The following NEB variants were observed in gnomAD, a reference collection of about 807,000 sequenced individuals.
NEB encodes the protein nemaline myopathy type 2.
NEB carries 512 observed loss-of-function variants against 952.2 expected under a neutral mutation model. The ratio of observed to expected loss-of-function variants is 0.54; its 90% CI spans 0.50 to 0.58. The LOEUF is 0.58. Ranked by LOEUF, NEB falls within the 20% of genes least tolerant of loss-of-function variation. NEB has a pLI of 0.00. For missense variants in NEB, 8,428 were observed against 9,231.1 expected (o/e 0.91, Z 3.56); for synonymous variants, 2,900 against 3,149.8 (o/e 0.92, Z 2.66).
chr2:151,526,902 G>T lies in NEB; in HGVS notation c.21945+16C>A. The T allele has an allele frequency of 6.5e-7, 1 of 1,532,070 alleles. No individual in the cohort carries two copies. Among genetic ancestry groups the T allele is most frequent in the African/African-American group, 1.4e-5 (1 of 73,470 alleles). The allele number at this position is 1,532,070 out of a possible 1,614,324, so 94.9% of individuals were successfully genotyped here. On this transcript the variant is annotated intron_variant, in intron 148 of 181. Transcript: ENST00000397345. ...CTGAGTGAGGTTAGGCATCATGGAAGGAACTAGGTACTTACATCACTTTCT... is the reference window on the plus strand; with the variant it reads ...CTGAGTGAGGTTAGGCATCATGGAATGAACTAGGTACTTACATCACTTTCT...
At chr2:151,605,145 C>T (rs1242497064) in intron 84 of NEB, among the ~76,000 whole-genome samples, 4 of 126,450 alleles carry the variant, frequency 3.2e-5, no homozygotes, top group African/African-American at 8.0e-5. Flanking sequence ...TACTCTATGC[C>T]GGACACTATT....
Position 151,619,481 on chromosome 2 carries a change from A to T in NEB, c.10842T>A (p.His3614Gln). ...ICLPDQNDII[H>Q]ARKAYDLQSD... The stretch of plus-strand genomic sequence containing the variant: ...TCTGGAGGTCATAGGCTTTCCGTGC[A>T]TGAATGATGTCATTCTGGTCGGGCA... The change falls in exon 73 of 182, where the codon CAT (histidine) becomes CAA (glutamine). Residue 3614 changes from histidine to glutamine, a missense_variant. His to Gln is a conservative substitution (Grantham distance 24, BLOSUM62 0). Around this residue, in one of 11 missense-constraint regions of NEB, gnomAD observed 1,772 missense variants for 1,960.3 expected, o/e 0.90. Coordinates refer to ENST00000397345, the MANE Select transcript of NEB (RefSeq NM_001164508.2). 6.2e-7 allele frequency: 1 copy of T among 1,611,304 alleles called. No homozygotes were observed. Among genetic ancestry groups the T allele is most frequent in the Non-Finnish European group, 8.5e-7 (1 of 1,177,728 alleles).
At chr2:151,490,599 T>C in intron 179 of NEB, 81 bp from the exon 180 acceptor site, 1 of 1,497,336 alleles carries the variant, frequency 6.7e-7, no homozygotes. Context: ...TGAATCTCAG[T>C]TATTGTTATC....
intron 156 of NEB, 101 bp downstream of exon 156, chr2:151,518,217 G>A: frequency 2.3e-6 from 2 of 856,776 alleles, no homozygotes; most frequent in Non-Finnish European, 4.0e-6. Flanking sequence ...TTATATCTTT[G>A]TGCATTTTCT....
In NEB at chr2:151,633,658, C is replaced by T; in HGVS notation, c.9410G>A (p.Ser3137Asn). 1 of 1,611,596 alleles carries T rather than the reference C, an allele frequency of 6.2e-7. No individual in the cohort carries two copies. Among genetic ancestry groups the T allele is most frequent in the Non-Finnish European group, 8.5e-7 (1 of 1,177,974 alleles). ...IHARQAYDLQ[S>N]DNIYKSDLQW... ...ATTTATAGATGCTGTACTCACGTCA[C>T]TCTGGAGGTCATAGGCCTGCCGAGC... is the stretch of plus-strand genomic sequence containing the variant. The change falls in exon 65 of 182, where the codon AGT becomes AAT. Residue 3137 changes from serine (S) to asparagine (N), a missense_variant. Ser to Asn is a conservative substitution (Grantham distance 46). This residue lies in a region of NEB where 1,772 missense variants were observed against 1,960.3 expected (regional missense o/e 0.90). Coordinates refer to ENST00000397345, the MANE Select transcript of NEB (RefSeq NM_001164508.2).
chr2:151,707,612 G>A (rs922701255), intron 12 of NEB, among the ~76,000 whole-genome samples: 4 of 152,200 alleles, frequency 2.6e-5, no homozygotes, highest in African/African-American at 9.6e-5. Context: ...GCAGCAAGTT[G>A]AGGGGTGTTG....
intron 168 of NEB, among the ~76,000 whole-genome samples, chr2:151,500,003 C>G (rs1559255366): frequency 6.6e-6 from 1 of 151,940 alleles, no homozygotes. Context: ...CAAATAGATA[C>G]AAATAATAAT....
rs2098929369 is a variant in NEB, at chr2:151,644,525, A to C, written c.7587T>G (p.Leu2529=). 6.2e-7 allele frequency: 1 copy of C among 1,613,864 alleles called. No individual in the cohort carries two copies. Among genetic ancestry groups the C allele is most frequent in the Admixed American group, 1.7e-5 (1 of 60,002 alleles). The part of the protein sequence containing the change: ...YEELKRKGYD[L]PVDAIPIKAA... ...CTTTGATTGGTATGGCATCAACAGG[A>C]AGATCGTAACCTTTTCTCTTCAGCT... is the stretch of plus-strand genomic sequence containing the variant. The change falls in exon 56 of 182, where the codon CTT becomes CTG. Residue 2529 remains leucine, a synonymous_variant. Coordinates refer to ENST00000397345, the MANE Select transcript of NEB (RefSeq NM_001164508.2).
At chr2:151,670,994 G>A in intron 38 of NEB, 29 bp downstream of exon 38, 1 of 1,594,278 alleles carries the variant, frequency 6.3e-7, no homozygotes, top group Non-Finnish European at 8.6e-7. Flanking sequence ...TTATTTACGG[G>A]CAAATCATTT....
chr2:151,639,854 C>A lies in NEB; in HGVS notation c.8889+3G>T. On this transcript the variant is annotated splice_donor_region_variant and intron_variant, in intron 62 of 181. Coordinates refer to ENST00000397345, the MANE Select transcript of NEB (RefSeq NM_001164508.2). The stretch of plus-strand genomic sequence containing the variant: ...ACTTCGATTCTTAATTTTGAAGTCT[C>A]ACCTTGTTCATAGTGATGGCATTAT... 1 of 1,610,384 alleles carries A rather than the reference C, an allele frequency of 6.2e-7. No individual in the cohort carries two copies. The highest frequency in any genetic ancestry group is 8.5e-7 in the Non-Finnish European group (1 of 1,177,590).
intron 32 of NEB, 100 bp from the exon 33 acceptor site, chr2:151,678,287 C>T (rs973990246): frequency 2.9e-6 from 2 of 684,490 alleles, no homozygotes; most frequent in South Asian, 2.2e-5. Context: ...CCAAAAATTA[C>T]TGTACTTCAA....
Position 151,541,157 on chromosome 2 carries a change from C to T in NEB, c.20682+290G>A, listed in dbSNP as rs182018789. 3.9e-5 allele frequency among the ~76,000 whole-genome samples: 6 copies of T among 152,130 alleles called. No homozygotes were observed. In the East Asian group the frequency reaches 7.7e-4, roughly 20 times the overall value. On this transcript the variant is annotated intron_variant, in intron 136 of 181. Coordinates refer to ENST00000397345, the MANE Select transcript of NEB (RefSeq NM_001164508.2). ...CATGAAATACAGCTTCGTTTGTCTG[C>T]GGATAACAGGAAGATTCTATAGAAT...
Position 151,696,699 on chromosome 2 carries a change from TGA to T in NEB, c.1505_1506del (p.Phe502TyrfsTer21). On this transcript the variant is annotated frameshift_variant, in exon 17 of 182. Coordinates refer to ENST00000397345, the MANE Select transcript of NEB (RefSeq NM_001164508.2). LOFTEE classifies it high-confidence loss of function. ...TYKVHPDKTK[F>X]TQVTDSPVLL... ...AGAACAGGAGAGTCTGTAACTTGGG[TGA>T]ATTTTGTCTTATCTGGATGGACTTT... is the stretch of plus-strand genomic sequence containing the variant. The T allele has an allele frequency of 6.2e-7, 1 of 1,613,860 alleles. No homozygotes were observed. The highest frequency in any genetic ancestry group is 8.5e-7 in the Non-Finnish European group (1 of 1,179,810).
rs778063345 is a variant in NEB, at chr2:151,527,560, G to T, written c.21761C>A (p.Ala7254Asp). Residue 7254 changes from alanine (A) to aspartate (D), a missense_variant, in exon 147 of 182, where the codon GCC becomes GAC. By Grantham distance (126) the Ala-to-Asp change is moderately radical. Coordinates refer to ENST00000397345, the MANE Select transcript of NEB (RefSeq NM_001164508.2). ...AGTCCACTTCCAGTGGGCTTTGTTG[G>T]CTTCGTACTGTTTCTTATAGTCCAG... is the stretch of plus-strand genomic sequence containing the variant. Reference protein sequence around the residue: ...TNLDYKKQYEANKAHWKWTPD... With the variant: ...TNLDYKKQYEDNKAHWKWTPD... 3.7e-6 allele frequency: 6 copies of T among 1,612,784 alleles called. No individual in the cohort carries two copies. The East Asian group carries it at 1.3e-4, about 36-fold the overall frequency.
intron 10 of NEB, among the ~76,000 whole-genome samples, chr2:151,712,868 A>T (rs1343580532): frequency 6.6e-6 from 1 of 152,002 alleles, no homozygotes; most frequent in Non-Finnish European, 1.5e-5. Flanking sequence ...CAACCTTCCC[A>T]ACATCCAAAC....
chr2:151,573,178 T>C (rs1232929883), intron 107 of NEB, among the ~76,000 whole-genome samples: 1 of 152,212 alleles, frequency 6.6e-6, no homozygotes, highest in Non-Finnish European at 1.5e-5. Flanking sequence ...GTAAAGAAAA[T>C]GCTGTATAGT....
intron 74 of NEB, 23 bp downstream of exon 74, chr2:151,618,251 TA>T: frequency 1.2e-6 from 2 of 1,604,486 alleles, no homozygotes; most frequent in Non-Finnish European, 1.7e-6. Flanking sequence ...TTTCGGTATC[TA>T]ACAGTGAGGA....
intron 161 of NEB, among the ~76,000 whole-genome samples, chr2:151,509,513 G>A (rs1172910982): frequency 6.6e-6 from 1 of 152,204 alleles, no homozygotes; most frequent in East Asian, 1.9e-4. Flanking sequence ...CTGGGAGAAA[G>A]GGACCTGAAC....
Position 151,605,537 on chromosome 2 carries a change from G to A in NEB, c.12748-666C>T, listed in dbSNP as rs1032763333. On this transcript the variant is annotated intron_variant, in intron 84 of 181. Coordinates refer to ENST00000397345, the MANE Select transcript of NEB (RefSeq NM_001164508.2). ...GTGGACAAGAGTTTCCATCTGATGA[G>A]TGTCTCAGGACTAGTGTAAGGTGGT... Among the ~76,000 whole-genome samples, 22 of 122,286 alleles carry A rather than the reference G, an allele frequency of 1.8e-4. 1 individual carries two copies. The highest frequency in any genetic ancestry group is 5.5e-4 in the African/African-American group (22 of 39,784). 80.2% of individuals were successfully genotyped at this position (122,286 alleles called of 152,430 possible).
Sources: gnomAD v4.1 joint callset for allele counts (sites outside exome capture counted in the v4.1 genomes callset) on GRCh38, gnomAD v4.1.1 for gene constraint, gnomAD v4.1.1 regional missense constraint, MANE v1.5 for transcripts, NCBI Gene and HGNC (gene_info 2026-07-23, HGNC 2026-07-21) for gene names.